Variants in NRG3 observed in about 807,000 individuals in gnomAD.
NRG3 encodes the protein pro-neuregulin-3, membrane-bound isoform.
A neutral mutation model predicts 66.9 loss-of-function variants in NRG3; 31 were observed. The observed-to-expected ratio is 0.46, with a 90% CI of 0.35 to 0.63. The LOEUF is 0.63. NRG3 is among the 20% of genes least tolerant of loss of function. The probability of loss-of-function intolerance (pLI) is 0.00; values close to 1 mark genes in which losing one functional copy is unlikely to be tolerated. For missense variants in NRG3, 910 were observed against 878.9 expected, an observed-to-expected ratio of 1.04 and a Z score of -0.45; for synonymous variants, 393 against 359.4, an observed-to-expected ratio of 1.09 and a Z score of -1.06.
intron 4 of NRG3, among the ~76,000 whole-genome samples, chr10:82,901,024 T>G (rs1844167516): frequency 6.6e-6 from 1 of 152,088 alleles, no homozygotes; most frequent in Admixed American, 6.5e-5. Context: ...TTACCGAAAT[T>G]TAATAGGAGT....
At chr10:82,880,673 A>G (rs1842223764) in intron 4 of NRG3, among the ~76,000 whole-genome samples, 2 of 152,232 alleles carry the variant, frequency 1.3e-5, no homozygotes, top group South Asian at 4.1e-4. Flanking sequence ...CTAGGCCCTC[A>G]GCTGTAGAAG....
Position 82,978,946 on chromosome 10 carries a change from G to A in NRG3, c.1413-4G>A. ...GTTTGTCTGTTTTCATTCCACCCCA[G>A]CAGGAGTCTATCCTCTTGCTGCAGC... On this transcript the variant is annotated splice_polypyrimidine_tract_variant and splice_region_variant and intron_variant, in intron 7 of 8. Transcript: ENST00000372141. 1 of 1,613,230 alleles carries A rather than the reference G, an allele frequency of 6.2e-7. No individual in the cohort carries two copies. Among genetic ancestry groups the A allele is most frequent in the Middle Eastern group, 1.7e-4 (1 of 6,048 alleles).
At chr10:82,937,772 G>A (rs1227525085) in intron 4 of NRG3, among the ~76,000 whole-genome samples, 3 of 152,316 alleles carry the variant, frequency 2.0e-5, no homozygotes, top group Admixed American at 1.3e-4. Flanking sequence ...GATTGGTACA[G>A]GAGTAGGTTA....
At chr10:81,906,100 TTG>T (rs1350300019) in intron 1 of NRG3, among the ~76,000 whole-genome samples, 1 of 152,170 alleles carries the variant, frequency 6.6e-6, no homozygotes, top group Non-Finnish European at 1.5e-5. Context: ...CACAAAGTTT[TTG>T]TAAGAATTTA....
intron 1 of NRG3, among the ~76,000 whole-genome samples, chr10:82,279,009 T>C (rs2078999098): frequency 6.6e-6 from 1 of 152,148 alleles, no homozygotes; most frequent in Non-Finnish European, 1.5e-5. Context: ...ATTACAGTCA[T>C]TTCTTCAACG....
chr10:82,827,515 T>TA (rs2062294417), intron 3 of NRG3, among the ~76,000 whole-genome samples: 1 of 152,144 alleles, frequency 6.6e-6, no homozygotes, highest in Non-Finnish European at 1.5e-5. Context: ...TGGAAAGTAT[T>TA]ATAATAATTG....
chr10:82,450,006 G>T (rs1391495612), intron 2 of NRG3, among the ~76,000 whole-genome samples: 1 of 152,174 alleles, frequency 6.6e-6, no homozygotes, highest in Non-Finnish European at 1.5e-5. Flanking sequence ...TTGTTTGTTT[G>T]TTTTTAAGCA....
intron 1 of NRG3, among the ~76,000 whole-genome samples, chr10:82,059,479 G>T (rs186124099): frequency 7.1e-6 from 1 of 140,650 alleles, no homozygotes; most frequent in Admixed American, 7.4e-5. Context: ...GGTAGATTGA[G>T]TTAACATTTT....
At chr10:82,406,371 C>A (rs1590013693) in intron 2 of NRG3, among the ~76,000 whole-genome samples, 1 of 152,248 alleles carries the variant, frequency 6.6e-6, no homozygotes, top group African/African-American at 2.4e-5. Flanking sequence ...TTGTTGCCTT[C>A]AGAGCACTTT....
chr10:81,964,992 T>C (rs1564696007), intron 1 of NRG3, among the ~76,000 whole-genome samples: 1 of 152,220 alleles, frequency 6.6e-6, no homozygotes, highest in Non-Finnish European at 1.5e-5. Context: ...CCAAACATAT[T>C]AAAATGTAAC....
chr10:82,579,837 A>G (rs2046248163), intron 2 of NRG3, among the ~76,000 whole-genome samples: 1 of 151,908 alleles, frequency 6.6e-6, no homozygotes, highest in African/African-American at 2.4e-5. Context: ...ATTGGGAAAA[A>G]ATCTTATTTA....
intron 1 of NRG3, among the ~76,000 whole-genome samples, chr10:82,349,605 TC>T (rs1478168017): frequency 3.3e-5 from 5 of 151,992 alleles, no homozygotes; most frequent in Non-Finnish European, 7.4e-5. Context: ...AGTTCGAGCT[TC>T]CCGGCTGCTT....
chr10:82,419,967 A>G (rs2088938129), intron 2 of NRG3, among the ~76,000 whole-genome samples: 1 of 152,208 alleles, frequency 6.6e-6, no homozygotes, highest in Non-Finnish European at 1.5e-5. Context: ...TTGTTCCTCT[A>G]GGAAGGTGTG....
chr10:82,857,558 T>A (rs945593501), intron 3 of NRG3, among the ~76,000 whole-genome samples: 1 of 152,150 alleles, frequency 6.6e-6, no homozygotes, highest in Non-Finnish European at 1.5e-5. Context: ...TGGCCACAGA[T>A]AGACTCCTGA....
chr10:82,913,456 G>A (rs1483392183), intron 4 of NRG3, among the ~76,000 whole-genome samples: 3 of 152,036 alleles, frequency 2.0e-5, no homozygotes, highest in Non-Finnish European at 4.4e-5. Flanking sequence ...TTCTGAAGAA[G>A]GCTTAACATT....
chr10:82,553,359 C>G (rs568228791), intron 2 of NRG3, among the ~76,000 whole-genome samples: 2 of 152,048 alleles, frequency 1.3e-5, no homozygotes, highest in Admixed American at 6.6e-5. Flanking sequence ...TTCATGTTTT[C>G]TAAGATGGGT....
chr10:82,122,914 T>C (rs1385827167), intron 1 of NRG3, among the ~76,000 whole-genome samples: 1 of 152,034 alleles, frequency 6.6e-6, no homozygotes, highest in African/African-American at 2.4e-5. Context: ...TCTCTTTCTG[T>C]CTCTTCCTCA....
Position 82,158,757 on chromosome 10 carries a change from A to G in NRG3, c.824-199982A>G, listed in dbSNP as rs185782436. Among the ~76,000 whole-genome samples, 249 of 151,970 alleles carry G rather than the reference A, an allele frequency of 1.6e-3. 3 individuals are homozygous for G. Among genetic ancestry groups the G allele is most frequent in the African/African-American group, 5.7e-3 (237 of 41,550 alleles). ...ACAAATGCTTACTCTTGAAATCCTGAGAGAAGTGGCATATTATTTTTATGG... is the reference window on the plus strand; with the variant it reads ...ACAAATGCTTACTCTTGAAATCCTGGGAGAAGTGGCATATTATTTTTATGG... On this transcript the variant is annotated intron_variant, in intron 1 of 8. Transcript: ENST00000372141.
In NRG3 at chr10:82,802,006, A is replaced by T. The variant is rs897972241; in HGVS notation, c.1027+63356A>T. Among the ~76,000 whole-genome samples, 58 of 152,222 alleles carry T rather than the reference A, an allele frequency of 3.8e-4. 1 individual carries two copies. Among genetic ancestry groups the T allele is most frequent in the Non-Finnish European group, 2.9e-5 (2 of 68,040 alleles). ...AGAGGAAAGCATCTCTTACCAAAAA[A>T]GTAGGAAAATTCCACCATTAGTTAC... On this transcript the variant is annotated intron_variant, in intron 3 of 8. Coordinates refer to ENST00000372141, the MANE Select transcript of NRG3 (RefSeq NM_001010848.4).
Sources: allele counts gnomAD v4.1 joint callset (sites outside exome capture counted in the v4.1 genomes callset), GRCh38; gene constraint gnomAD v4.1.1; transcripts MANE v1.5; gene names NCBI Gene and HGNC (gene_info 2026-07-23, HGNC 2026-07-21).